Variants in NIM1K observed in about 807,000 individuals in gnomAD.
NIM1K encodes the protein NIM1 serine/threonine protein kinase, also known as serine/threonine-protein kinase NIM1.
A neutral mutation model predicts 37.1 loss-of-function variants in NIM1K; 35 were observed. The ratio of observed to expected loss-of-function variants is 0.94; its 90% CI spans 0.72 to 1.25. The LOEUF (loss-of-function observed/expected upper bound fraction) is 1.25. NIM1K is among the 50% of genes most tolerant of loss of function. NIM1K has a pLI of 0.00. For missense variants in NIM1K, 564 were observed against 548.0 expected (o/e 1.03, Z -0.29); for synonymous variants, 234 against 206.6 (o/e 1.13, Z -1.14).
chr5:43,206,632 C>A lies in NIM1K; in HGVS notation c.-695+14221C>A, dbSNP rs942412214. 1.5e-5 allele frequency: 10 copies of A among 668,306 alleles called. No homozygotes were observed. In the African/African-American group the frequency reaches 1.8e-4, roughly 12 times the overall value. 41.4% of individuals were successfully genotyped at this position (668,306 alleles called of 1,614,324 possible). A position where few individuals can be genotyped will look rare whatever the true frequency, so the allele number is the denominator to read the frequency against. ...CTGGCCTCCCTGGTGCAGCGCACTC[C>A]CTGCCTGCTGCAGCCTGACTCGGCC... On this transcript the variant is annotated intron_variant, in intron 1 of 3. Transcript: ENST00000326035.
At chr5:43,273,704 A>T (rs757048728) in intron 2 of NIM1K, among the ~76,000 whole-genome samples, 11 of 152,106 alleles carry the variant, frequency 7.2e-5, no homozygotes, top group African/African-American at 2.4e-4. Flanking sequence ...TTCCTCAAGC[A>T]CACACCTTAT....
Position 43,245,884 on chromosome 5 carries a change from G to A in NIM1K, c.109G>A (p.Gly37Ser), listed in dbSNP as rs756070235. 4 of 1,614,028 alleles carry A rather than the reference G, an allele frequency of 2.5e-6. No homozygotes were observed. Among genetic ancestry groups the A allele is most frequent in the Non-Finnish European group, 3.4e-6 (4 of 1,180,034 alleles). The part of the protein sequence containing the change: ...SGCQTESSKE[G>S]EEGQPRQLTP... Reference sequence around the variant, plus strand: ...CTGTCAGACCGAGAGTAGCAAGGAGGGTGAGGAGGGACAGCCCCGCCAGCT... The same window carrying A: ...CTGTCAGACCGAGAGTAGCAAGGAGAGTGAGGAGGGACAGCCCCGCCAGCT... The change falls in exon 2 of 4, where the codon GGT becomes AGT. Residue 37 changes from glycine to serine, a missense_variant. Transcript: ENST00000326035.
In NIM1K at chr5:43,280,399, G is replaced by C; in HGVS notation, c.981G>C (p.Gly327=). The C allele has an allele frequency of 6.2e-7, 1 of 1,614,116 alleles. No individual in the cohort carries two copies. The highest frequency in any genetic ancestry group is 8.5e-7 in the Non-Finnish European group (1 of 1,180,022). The change falls in exon 4 of 4, where the codon GGG becomes GGC. Residue 327 remains glycine (G), a synonymous_variant. Coordinates refer to ENST00000326035, the MANE Select transcript of NIM1K (RefSeq NM_153361.4). ...DCIMNDEWMQ[G]VPYPTPLEPF... ...TCATGAATGATGAATGGATGCAAGGGGTGCCATACCCTACACCTTTGGAAC... is the reference window on the plus strand; with the variant it reads ...TCATGAATGATGAATGGATGCAAGGCGTGCCATACCCTACACCTTTGGAAC...
rs75751465 is a variant in NIM1K, at chr5:43,235,697, G to T, written c.-694-9385G>T. 1.9e-3 allele frequency among the ~76,000 whole-genome samples: 287 copies of T among 152,310 alleles called. 3 individuals are homozygous for T. The highest frequency in any genetic ancestry group is 6.6e-3 in the African/African-American group (275 of 41,560). On this transcript the variant is annotated intron_variant, in intron 1 of 3. Coordinates refer to ENST00000326035, the MANE Select transcript of NIM1K (RefSeq NM_153361.4). ...AATTAGATGGTTAAATAAACTTGGG[G>T]ACCACTGAATTAAACAGACATTTGT...
chr5:43,231,104 G>A (rs1335213217), intron 1 of NIM1K, among the ~76,000 whole-genome samples: 1 of 152,154 alleles, frequency 6.6e-6, no homozygotes, highest in Admixed American at 6.5e-5. Context: ...GATCACTTGA[G>A]CTCAGGAGTT....
intron 2 of NIM1K, among the ~76,000 whole-genome samples, chr5:43,256,153 G>T (rs1752942710): frequency 6.6e-6 from 1 of 152,156 alleles, no homozygotes; most frequent in Non-Finnish European, 1.5e-5. Context: ...ACTGGGGAGT[G>T]ACATGATCTG....
At chr5:43,228,348 G>A (rs1201776192) in intron 1 of NIM1K, among the ~76,000 whole-genome samples, 5 of 151,730 alleles carry the variant, frequency 3.3e-5, no homozygotes, top group African/African-American at 9.7e-5. Context: ...GGGTTTCACC[G>A]TGTTAGCCAG....
At chr5:43,243,843 A>G (rs1346233104) in intron 1 of NIM1K, among the ~76,000 whole-genome samples, 2 of 152,112 alleles carry the variant, frequency 1.3e-5, no homozygotes, top group African/African-American at 4.8e-5. Flanking sequence ...TAAGGGGTAC[A>G]CCACCACACC....
At chr5:43,210,532 G>A (rs144662461) in intron 1 of NIM1K, among the ~76,000 whole-genome samples, 217 of 152,234 alleles carry the variant, frequency 1.4e-3, no homozygotes, top group African/African-American at 5.2e-3. Flanking sequence ...ATACTCTGGG[G>A]CACCACGGAC....
chr5:43,196,829 G>A (rs1244459163), intron 1 of NIM1K, among the ~76,000 whole-genome samples: 1 of 151,744 alleles, frequency 6.6e-6, no homozygotes, highest in African/African-American at 2.4e-5. Flanking sequence ...GTAGAGTACA[G>A]TGGTGTGATC....
At chr5:43,217,658 G>C (rs761781416) in intron 1 of NIM1K, among the ~76,000 whole-genome samples, 3 of 149,812 alleles carry the variant, frequency 2.0e-5, no homozygotes, top group Non-Finnish European at 4.4e-5. Context: ...TGTGCTTATT[G>C]GCCATTTGTA....
chr5:43,243,536 G>A (rs1752734966), intron 1 of NIM1K, among the ~76,000 whole-genome samples: 1 of 152,012 alleles, frequency 6.6e-6, no homozygotes. Flanking sequence ...TTAAGAATCA[G>A]TGATTTTGGC....
At chr5:43,216,894 C>T (rs779501753) in intron 1 of NIM1K, among the ~76,000 whole-genome samples, 9 of 152,022 alleles carry the variant, frequency 5.9e-5, no homozygotes, top group African/African-American at 1.4e-4. Flanking sequence ...TTTTGGGAGC[C>T]GCTGGATGGA....
chr5:43,247,232 G>T (rs896425974), intron 2 of NIM1K, among the ~76,000 whole-genome samples: 1 of 152,072 alleles, frequency 6.6e-6, no homozygotes, highest in African/African-American at 2.4e-5. Context: ...GTGTATCTGG[G>T]TTCATGTCTT....
At chr5:43,268,456 G>C (rs1753203635) in intron 2 of NIM1K, among the ~76,000 whole-genome samples, 2 of 152,196 alleles carry the variant, frequency 1.3e-5, no homozygotes, top group African/African-American at 4.8e-5. Context: ...AAATCATATG[G>C]AGTTGAAGCT....
chr5:43,228,842 A>G (rs1229318490), intron 1 of NIM1K, among the ~76,000 whole-genome samples: 1 of 152,056 alleles, frequency 6.6e-6, no homozygotes, highest in Non-Finnish European at 1.5e-5. Flanking sequence ...AAAACAATTA[A>G]TTAATTAATT....
At chr5:43,262,847 C>G (rs1368398377) in intron 2 of NIM1K, among the ~76,000 whole-genome samples, 2 of 152,056 alleles carry the variant, frequency 1.3e-5, no homozygotes, top group Admixed American at 6.6e-5. Context: ...AAGACCTTTT[C>G]TGCATCTATT....
chr5:43,263,587 A>AT (rs763773904), intron 2 of NIM1K, among the ~76,000 whole-genome samples: 6 of 146,952 alleles, frequency 4.1e-5, no homozygotes, highest in Non-Finnish European at 9.0e-5. Context: ...TGATTTTTTT[A>AT]TTTTTTTAAG....
chr5:43,229,384 C>CAA (rs58730944), intron 1 of NIM1K, among the ~76,000 whole-genome samples: 13,770 of 89,782 alleles, frequency 0.15, 1,348 homozygotes, highest in Middle Eastern at 0.2. Context: ...AACTCCATCT[C>CAA]AAAAAAAAAA....
Sources: gnomAD v4.1 joint callset for allele counts (sites outside exome capture counted in the v4.1 genomes callset) on GRCh38, gnomAD v4.1.1 for gene constraint, MANE v1.5 for transcripts, NCBI Gene and HGNC (gene_info 2026-07-23, HGNC 2026-07-21) for gene names.